Variants in CSF1R observed in about 807,000 individuals in gnomAD.
CSF1R encodes macrophage colony-stimulating factor 1 receptor.
A neutral mutation model predicts 110.0 loss-of-function variants in CSF1R; 40 were observed. The observed-to-expected ratio is 0.36, with a 90% CI of 0.28 to 0.47. The LOEUF (loss-of-function observed/expected upper bound fraction) is 0.47, where lower values mean the gene tolerates loss of function less well. Among genes scored for constraint, CSF1R ranks in the 20% least tolerant of loss-of-function variants. CSF1R has a pLI of 0.99. For missense variants in CSF1R, 1,052 were observed against 1,253.0 expected (o/e 0.84, Z 2.42); for synonymous variants, 523 against 503.4 (o/e 1.04, Z -0.52).
intron 1 of CSF1R, among the ~76,000 whole-genome samples, chr5:150,095,646 G>A (rs575520509): frequency 2.6e-5 from 4 of 151,192 alleles, no homozygotes; most frequent in Non-Finnish European, 4.4e-5. Context: ...CAAATTGACC[G>A]TAGGAAGGAA....
chr5:150,075,016 G>A (rs1758202965), intron 5 of CSF1R, among the ~76,000 whole-genome samples: 2 of 152,154 alleles, frequency 1.3e-5, no homozygotes, highest in African/African-American at 4.8e-5. Flanking sequence ...CCATGAGGGA[G>A]TCTCTACTCA....
chr5:150,110,892 A>G (rs1055802299), intron 1 of CSF1R, among the ~76,000 whole-genome samples: 2 of 151,814 alleles, frequency 1.3e-5, no homozygotes, highest in Non-Finnish European at 2.9e-5. Context: ...CATATATGAC[A>G]TAAATACTTG....
At chr5:150,103,244 C>T (rs140144640) in intron 1 of CSF1R, among the ~76,000 whole-genome samples, 134 of 152,334 alleles carry the variant, frequency 8.8e-4, no homozygotes, top group African/African-American at 3.0e-3. Context: ...TGCCCCTTGG[C>T]GCATTTCTGA....
Position 150,060,939 on chromosome 5 carries a change from A to G in CSF1R, c.1892T>C (p.Met631Thr), listed in dbSNP as rs766891047. ...GTGGCTCATGATCTTCAGCTCGGAC[A>G]TGAGGGCCTCCTTCTCATCAGCATG... The part of the protein sequence containing the change: ...TAHADEKEAL[M>T]SELKIMSHLG... The change falls in exon 13 of 21, where the codon ATG becomes ACG. Residue 631 changes from methionine (M) to threonine (T), a missense_variant. Coordinates refer to ENST00000675795, the MANE Select transcript of CSF1R (RefSeq NM_001288705.3). 1 of 1,609,088 alleles carries G rather than the reference A, an allele frequency of 6.2e-7. No individual in the cohort carries two copies. Among genetic ancestry groups the G allele is most frequent in the South Asian group, 1.1e-5 (1 of 89,678 alleles).
rs561789602 is a variant in CSF1R at position 150,059,859 on chromosome 5, G to T, written c.1973C>A (p.Pro658His). 1 of 1,611,374 alleles carries T rather than the reference G, an allele frequency of 6.2e-7. No individual in the cohort carries two copies. The highest frequency in any genetic ancestry group is 1.1e-5 in the South Asian group (1 of 91,028). Residue 658 changes from proline to histidine, a missense_variant, in exon 14 of 21, where the codon CCT becomes CAT. Physicochemically the swap from Pro to His is moderately conservative, Grantham distance 77. This residue lies in a region of CSF1R where 76 missense variants were observed against 133.6 expected (regional missense o/e 0.57). Transcript: ENST00000675795. ...ACAGTACTCCGTGATGACCAGTACA[G>T]GGCCTAGAGCAGCCAAGGGTGTGGG... ...NLLGACTHGG[P>H]VLVITEYCCY...
intron 6 of CSF1R, among the ~76,000 whole-genome samples, chr5:150,071,887 T>A (rs1004100569): frequency 6.6e-6 from 1 of 152,162 alleles, no homozygotes; most frequent in Non-Finnish European, 1.5e-5. Flanking sequence ...CAAGAAAACA[T>A]CCTTGTTGCT....
Position 150,076,595 on chromosome 5 carries a change from G to A in CSF1R, c.889+681C>T, listed in dbSNP as rs117198431. Among the ~76,000 whole-genome samples, 10 of 152,224 alleles carry A rather than the reference G, an allele frequency of 6.6e-5. No individual in the cohort carries two copies. In the East Asian group the frequency reaches 1.9e-3, roughly 29 times the overall value. ...TTACAATGACCTCCCAATAGGTTAA[G>A]ATGCAGTTATTCTTTCTCACTTTAA... On this transcript the variant is annotated intron_variant, in intron 5 of 20. Coordinates refer to ENST00000675795, the MANE Select transcript of CSF1R (RefSeq NM_001288705.3).
Position 150,080,982 on chromosome 5 carries a change from A to T in CSF1R, c.92T>A (p.Val31Asp), listed in dbSNP as rs1758516240. The T allele has an allele frequency of 6.2e-7, 1 of 1,613,858 alleles. No individual in the cohort carries two copies. ...PVIEPSVPEL[V>D]VKPGATVTLR... ...GGTCACCGTTGCTCCTGGCTTCACG[A>T]CCAGCTCAGGGACACTGGGCTCTAT... The change falls in exon 2 of 21, where the codon GTC (valine) becomes GAC (aspartate). Residue 31 changes from valine to aspartate, a missense_variant. Physicochemically the swap from Val to Asp is radical, Grantham distance 152 (BLOSUM62 -3). This residue lies in a region of CSF1R where 693 missense variants were observed against 735.4 expected (regional missense o/e 0.94). Transcript: ENST00000675795.
At chr5:150,111,895 T>C (rs140315253) in intron 1 of CSF1R, among the ~76,000 whole-genome samples, 14 of 152,348 alleles carry the variant, frequency 9.2e-5, no homozygotes, top group African/African-American at 2.6e-4. Context: ...TCTCTGACCA[T>C]TGCCTCTTGA....
intron 5 of CSF1R, 103 bp downstream of exon 5, chr5:150,077,173 C>T (rs776745362): frequency 3.9e-5 from 57 of 1,459,004 alleles, no homozygotes; most frequent in Non-Finnish European, 5.2e-5. Context: ...CAGAGATATC[C>T]TCAGCAGGTC....
At chr5:150,105,028 A>G (rs1170003290) in intron 1 of CSF1R, among the ~76,000 whole-genome samples, 1 of 150,800 alleles carries the variant, frequency 6.6e-6, no homozygotes, top group African/African-American at 2.4e-5. Flanking sequence ...ATAGGCACCC[A>G]CCACCACGCC....
At chr5:150,057,653 A>C in intron 14 of CSF1R, 61 bp from the exon 15 acceptor site, 295 of 1,301,292 alleles carry the variant, frequency 2.3e-4, no homozygotes, top group Non-Finnish European at 3.0e-4. Flanking sequence ...TGCTCAGCTC[A>C]GGCCTTGACC....
In CSF1R at chr5:150,054,087, G is replaced by A; in HGVS notation, c.2901C>T (p.Asn967=). Residue 967 remains asparagine (N), a synonymous_variant, in exon 21 of 21, where the codon AAC becomes AAT. Coordinates refer to ENST00000675795, the MANE Select transcript of CSF1R (RefSeq NM_001288705.3). ...GDIAQPLLQP[N]NYQFC is the part of the protein sequence containing the mutation. ...CAACTCCTCAGCAGAACTGATAGTT[G>A]TTGGGCTGCAGCAAGGGCTGGGCGA... 1 of 1,614,188 alleles carries A rather than the reference G, an allele frequency of 6.2e-7. No individual in the cohort carries two copies.
Position 150,056,031 on chromosome 5 carries a change from G to A in CSF1R, c.2549C>T (p.Ser850Leu). The change falls in exon 18 of 21, where the codon TCA (serine) becomes TTA (leucine). Residue 850 changes from serine (S) to leucine (L), a missense_variant. This residue lies in a region of CSF1R where 74 missense variants were observed against 187.4 expected (regional missense o/e 0.39). Transcript: ENST00000675795. ...SYGILLWEIF[S>L]LGLNPYPGIL... is the part of the protein sequence containing the mutation. ...GAGTGGGCCCAGTGGCTCACCAAGT[G>A]AGAAGATCTCCCAGAGGAGGATGCC... 1 of 1,614,106 alleles carries A rather than the reference G, an allele frequency of 6.2e-7. No individual in the cohort carries two copies.
chr5:150,078,502 T>G (rs1329487328), intron 3 of CSF1R, among the ~76,000 whole-genome samples: 1 of 152,136 alleles, frequency 6.6e-6, no homozygotes, highest in Non-Finnish European at 1.5e-5. Context: ...TCTGGACTTC[T>G]GCACCAGCCT....
At chr5:150,073,583 C>G in intron 5 of CSF1R, 90 bp from the exon 6 acceptor site, 1 of 1,366,466 alleles carries the variant, frequency 7.3e-7, no homozygotes. Context: ...TGATCCAGTC[C>G]CTGAGCAGCT....
At chr5:150,058,256 A>C (rs772896942) in intron 14 of CSF1R, 6 of 456,104 alleles carry the variant, frequency 1.3e-5, no homozygotes, top group Non-Finnish European at 2.6e-5. Flanking sequence ...CACTTCCAAC[A>C]GTCCTCAAGA....
At chr5:150,063,355 C>CTT (rs372262635) in intron 10 of CSF1R, among the ~76,000 whole-genome samples, 1 of 147,584 alleles carries the variant, frequency 6.8e-6, no homozygotes, top group Non-Finnish European at 1.5e-5. Context: ...CGCCATCTGA[C>CTT]TTTTTTTTTT....
chr5:150,056,769 T>C (rs1223258714), intron 16 of CSF1R, among the ~76,000 whole-genome samples: 2 of 152,132 alleles, frequency 1.3e-5, no homozygotes, highest in Admixed American at 6.5e-5. Context: ...TTTTTATAGG[T>C]GTAGAAACTG....
Sources: gnomAD v4.1 joint callset for allele counts (sites outside exome capture counted in the v4.1 genomes callset) on GRCh38, gnomAD v4.1.1 for gene constraint, gnomAD v4.1.1 regional missense constraint, MANE v1.5 for transcripts, NCBI Gene and HGNC (gene_info 2026-07-23, HGNC 2026-07-21) for gene names.